The following RAD50 variants were observed in gnomAD, a reference collection of about 807,000 sequenced individuals.
The protein encoded by RAD50 is RAD50 double strand break repair protein, also known as DNA repair protein RAD50.
Under a neutral mutation model 168.8 loss-of-function variants are expected in RAD50, and 132 were observed. The ratio of observed to expected loss-of-function variants is 0.78; its 90% CI spans 0.68 to 0.90. The LOEUF is 0.90. RAD50 is among the 40% of genes least tolerant of loss of function. The probability of loss-of-function intolerance (pLI) is 0.00; values close to 1 mark genes in which losing one functional copy is unlikely to be tolerated. For synonymous variants in RAD50, 525 were observed against 497.4 expected, an observed-to-expected ratio of 1.06 and a Z score of -0.74; for missense variants, 1,347 against 1,534.4, an observed-to-expected ratio of 0.88 and a Z score of 2.04.
chr5:132,601,613 T>C (rs560146293), intron 13 of RAD50, among the ~76,000 whole-genome samples: 7 of 152,306 alleles, frequency 4.6e-5, no homozygotes, highest in Non-Finnish European at 8.8e-5. Flanking sequence ...ATATTTATTA[T>C]GTGGAATACA....
intron 2 of RAD50, among the ~76,000 whole-genome samples, chr5:132,562,044 G>A (rs957815671): frequency 5.9e-5 from 9 of 152,296 alleles, no homozygotes; most frequent in African/African-American, 1.7e-4. Flanking sequence ...GAGGGAATGA[G>A]TTGTTCAAAA....
intron 19 of RAD50, among the ~76,000 whole-genome samples, chr5:132,610,986 G>A (rs899949109): frequency 2.0e-5 from 3 of 152,090 alleles, no homozygotes; most frequent in Non-Finnish European, 2.9e-5. Flanking sequence ...CAAATTAATG[G>A]GAAAACAAGG....
intron 15 of RAD50, 60 bp from the exon 16 acceptor site, chr5:132,604,746 A>G (rs1581001958): frequency 3.7e-6 from 5 of 1,355,154 alleles, no homozygotes; most frequent in Non-Finnish European, 5.2e-6. Flanking sequence ...GGGAAGAATG[A>G]TACAAATAGT....
intron 21 of RAD50, among the ~76,000 whole-genome samples, chr5:132,624,353 C>T (rs1185262587): frequency 3.3e-5 from 5 of 152,176 alleles, no homozygotes; most frequent in Non-Finnish European, 7.3e-5. Context: ...CAGTAGACTA[C>T]ACATACATAT....
At chr5:132,592,847 AG>A in intron 11 of RAD50, 1 of 471,082 alleles carries the variant, frequency 2.1e-6, no homozygotes, top group South Asian at 1.5e-5. Flanking sequence ...CCACTTATTG[AG>A]GAAGTTCTGC....
intron 21 of RAD50, among the ~76,000 whole-genome samples, chr5:132,623,245 G>A (rs764423983): frequency 6.6e-6 from 1 of 152,134 alleles, no homozygotes; most frequent in Non-Finnish European, 1.5e-5. Flanking sequence ...TTGGGAGACC[G>A]AGGTGGGCGG....
In RAD50 at chr5:132,587,648, A is replaced by G. The variant is rs1480731150; in HGVS notation, c.843A>G (p.Gln281=). 6.2e-7 allele frequency: 1 copy of G among 1,613,912 alleles called. No individual in the cohort carries two copies. The highest frequency in any genetic ancestry group is 1.1e-5 in the South Asian group (1 of 91,082). The change falls in exon 6 of 25, where the codon CAA becomes CAG. Residue 281 remains glutamine, a synonymous_variant. Coordinates refer to ENST00000378823, the MANE Select transcript of RAD50 (RefSeq NM_005732.4). ...AAGCCTTGGATAGCCGAAAGAAGCAAATGGAGAAAGATAATAGTGAACTGG... is the reference window on the plus strand; with the variant it reads ...AAGCCTTGGATAGCCGAAAGAAGCAGATGGAGAAAGATAATAGTGAACTGG... The part of the protein sequence containing the change: ...EIKALDSRKK[Q]MEKDNSELEE...
intron 7 of RAD50, among the ~76,000 whole-genome samples, 196 bp downstream of exon 7, chr5:132,588,285 A>T (rs951260190): frequency 1.3e-5 from 2 of 152,148 alleles, no homozygotes; most frequent in Non-Finnish European, 2.9e-5. Context: ...GTTGCCAGGG[A>T]TACTGGGTAA....
Position 132,557,065 on chromosome 5 carries a change from C to T in RAD50, c.-260C>T. On this transcript the variant is annotated 5_prime_UTR_variant, in exon 1 of 25. Coordinates refer to ENST00000378823, the MANE Select transcript of RAD50 (RefSeq NM_005732.4). ...GCTACGGCTTTGCGTCCCCGGCGGG[C>T]AGCCCCAGGCTGGTCCCCGCCTCCG... 1.5e-6 allele frequency: 1 copy of T among 647,310 alleles called. No individual in the cohort carries two copies. The highest frequency in any genetic ancestry group is 2.5e-6 in the Non-Finnish European group (1 of 397,014). The allele number at this position is 647,310 out of a possible 1,614,324, so 40.1% of individuals were successfully genotyped here. A position where few individuals can be genotyped will look rare whatever the true frequency, so the allele number is the denominator to read the frequency against.
At chr5:132,573,595 G>A (rs1750344235) in intron 2 of RAD50, among the ~76,000 whole-genome samples, 1 of 152,034 alleles carries the variant, frequency 6.6e-6, no homozygotes, top group Non-Finnish European at 1.5e-5. Flanking sequence ...AACCAATCAT[G>A]CCTTCCCAAC....
rs562793761 is a variant in RAD50 at position 132,559,076 on chromosome 5, T to G, written c.130-208T>G. Among the ~76,000 whole-genome samples the G allele has an allele frequency of 6.6e-5, 10 of 152,348 alleles. No individual in the cohort carries two copies. The South Asian group carries it at 2.1e-3, about 32-fold the overall frequency. On this transcript the variant is annotated intron_variant, in intron 1 of 24. Coordinates refer to ENST00000378823, the MANE Select transcript of RAD50 (RefSeq NM_005732.4). ...TATTTTTTTCCCAAGTAACAATTCT[T>G]CATATTAGGATAACTTCTTAGTTAT... is the stretch of plus-strand genomic sequence containing the variant.
chr5:132,601,155 C>T (rs1750881039), intron 13 of RAD50, among the ~76,000 whole-genome samples: 2 of 152,122 alleles, frequency 1.3e-5, no homozygotes, highest in African/African-American at 4.8e-5. Flanking sequence ...CTTCACCACG[C>T]CCAACTGATT....
Position 132,565,699 on chromosome 5 carries a change from T to C in RAD50, c.213+6332T>C, listed in dbSNP as rs183207533. Among the ~76,000 whole-genome samples the C allele has an allele frequency of 2.9e-4, 44 of 152,328 alleles. No homozygotes were observed. The East Asian group carries it at 6.9e-3, about 24-fold the overall frequency. On this transcript the variant is annotated intron_variant, in intron 2 of 24. Coordinates refer to ENST00000378823, the MANE Select transcript of RAD50 (RefSeq NM_005732.4). ...CTTCTTGCAAGAATGCCGTCTCTACTCTATGATCTGACTTCCCCCTAGCCG... is the reference window on the plus strand; with the variant it reads ...CTTCTTGCAAGAATGCCGTCTCTACCCTATGATCTGACTTCCCCCTAGCCG...
chr5:132,561,252 T>A (rs1201136851), intron 2 of RAD50, among the ~76,000 whole-genome samples: 2 of 152,136 alleles, frequency 1.3e-5, no homozygotes, highest in Non-Finnish European at 2.9e-5. Context: ...GAGTGCAGTG[T>A]GGCATGATCT....
chr5:132,600,316 G>T (rs73259679), intron 13 of RAD50, among the ~76,000 whole-genome samples: 2,506 of 152,270 alleles, frequency 0.016, 77 homozygotes, highest in African/African-American at 0.057. Flanking sequence ...GGTAGGAGGG[G>T]ACTTGATGAA....
intron 2 of RAD50, 94 bp from the exon 3 acceptor site, chr5:132,575,683 C>A: frequency 8.1e-7 from 1 of 1,228,792 alleles, no homozygotes; most frequent in Non-Finnish European, 1.2e-6. Flanking sequence ...TTTTTGTTCC[C>A]TCATTTTGGG....
At chr5:132,564,014 A>G (rs911143980) in intron 2 of RAD50, among the ~76,000 whole-genome samples, 3 of 152,160 alleles carry the variant, frequency 2.0e-5, no homozygotes, top group African/African-American at 7.2e-5. Flanking sequence ...CTTCCTGTAC[A>G]GCCTGCAGAA....
At chr5:132,577,802 ATTTTTTTTT>A (rs923754085) in intron 3 of RAD50, among the ~76,000 whole-genome samples, 2 of 84,380 alleles carry the variant, frequency 2.4e-5, no homozygotes, top group African/African-American at 5.9e-5. Context: ...CCCATTTCTG[ATTTTTTTTT>A]TTTTTTTTTT....
chr5:132,577,802 ATTT>A lies in RAD50; in HGVS notation c.366-1491_366-1489del, dbSNP rs923754085. Reference sequence around the variant, plus strand: ...ACCCAGACCTATTTACCCATTTCTGATTTTTTTTTTTTTTTTTTTTTTTTTTGA... The same window carrying A: ...ACCCAGACCTATTTACCCATTTCTGATTTTTTTTTTTTTTTTTTTTTTTGA... On this transcript the variant is annotated intron_variant, in intron 3 of 24. Transcript: ENST00000378823. Among the ~76,000 whole-genome samples, 143 of 84,366 alleles carry A rather than the reference ATTT, an allele frequency of 1.7e-3. 1 individual carries two copies. Among genetic ancestry groups the A allele is most frequent in the African/African-American group, 8.0e-3 (135 of 16,906 alleles). The allele number at this position is 84,366 out of a possible 152,430, so 55.3% of individuals were successfully genotyped here.
Sources: gnomAD v4.1 joint callset for allele counts (sites outside exome capture counted in the v4.1 genomes callset) on GRCh38, gnomAD v4.1.1 for gene constraint, MANE v1.5 for transcripts, NCBI Gene and HGNC (gene_info 2026-07-23, HGNC 2026-07-21) for gene names.